BMAL1: variants seen among roughly 807,000 people sequenced by gnomAD.
The protein encoded by BMAL1 is basic helix-loop-helix ARNT-like protein 1.
At chr11:13,314,370 CA>C in the BMAL1 span, among the ~76,000 whole-genome samples, 1 of 151,970 alleles carries the variant, frequency 6.6e-6, no homozygotes, top group Admixed American at 6.6e-5. Flanking sequence ...TGCAGCCAAG[CA>C]ACAGATTCAT....
the BMAL1 span, among the ~76,000 whole-genome samples, chr11:13,336,610 G>C: frequency 6.6e-6 from 1 of 152,204 alleles, no homozygotes; most frequent in African/African-American, 2.4e-5. Context: ...ACGAGGGTCT[G>C]ACATCCAGGA....
At chr11:13,284,208 A>ATG in the BMAL1 span, among the ~76,000 whole-genome samples, 3 of 43,622 alleles carry the variant, frequency 6.9e-5, no homozygotes, top group African/African-American at 2.1e-4. Context: ...GTATATATAT[A>ATG]TGTGTATATA....
chr11:13,331,284 A>G, the BMAL1 span, among the ~76,000 whole-genome samples: 1 of 152,232 alleles, frequency 6.6e-6, no homozygotes, highest in African/African-American at 2.4e-5. Context: ...ATCTATTTGG[A>G]TAGCAAAGCA....
chr11:13,295,552 G>T, the BMAL1 span, among the ~76,000 whole-genome samples: 1 of 152,084 alleles, frequency 6.6e-6, no homozygotes, highest in Admixed American at 6.5e-5. Flanking sequence ...CCTTGCGAGG[G>T]CCGAGCTTCT....
chr11:13,356,856 G>A, the BMAL1 span: 26 of 1,609,032 alleles, frequency 1.6e-5, no homozygotes, highest in Non-Finnish European at 2.0e-5. Context: ...TGTTACTTGG[G>A]GCAGCACCCA....
chr11:13,381,103 C>CA, the BMAL1 span: 98 of 1,564,388 alleles, frequency 6.3e-5, no homozygotes, highest in Middle Eastern at 1.7e-4. Context: ...TACCCCTTAA[C>CA]AAAGCACATA....
chr11:13,295,265 A>G, the BMAL1 span, among the ~76,000 whole-genome samples: 5 of 152,216 alleles, frequency 3.3e-5, no homozygotes, highest in Non-Finnish European at 5.9e-5. Context: ...CAAGGCTGAC[A>G]TGGCTTTGGC....
At chr11:13,354,502 G>T in the BMAL1 span, 4 of 1,587,922 alleles carry the variant, frequency 2.5e-6, no homozygotes, top group Non-Finnish European at 3.4e-6. Flanking sequence ...CAGTTCTCGG[G>T]CATGGAACAT....
chr11:13,314,968 C>G, the BMAL1 span, among the ~76,000 whole-genome samples: 1 of 152,214 alleles, frequency 6.6e-6, no homozygotes, highest in Non-Finnish European at 1.5e-5. Flanking sequence ...CATATAAACT[C>G]TCCTGTTTTC....
chr11:13,285,475 G>A, the BMAL1 span, among the ~76,000 whole-genome samples: 1 of 152,164 alleles, frequency 6.6e-6, no homozygotes, highest in Non-Finnish European at 1.5e-5. Flanking sequence ...AAGCAGTAGC[G>A]ATGAGGTATG....
the BMAL1 span, chr11:13,276,742 G>T: frequency 2.0e-5 from 3 of 152,226 alleles, no homozygotes; most frequent in African/African-American, 7.2e-5. Context: ...TTAACATCTG[G>T]AAGAGCCGGG....
At chr11:13,386,410 A>T in the BMAL1 span, among the ~76,000 whole-genome samples, 10 of 152,144 alleles carry the variant, frequency 6.6e-5, no homozygotes, top group Admixed American at 1.3e-4. Flanking sequence ...ACGTATTTTT[A>T]AAAAATTGGT....
chr11:13,300,925 T>G, the BMAL1 span, among the ~76,000 whole-genome samples: 1 of 152,188 alleles, frequency 6.6e-6, no homozygotes, highest in Non-Finnish European at 1.5e-5. Context: ...TCTGACTTGC[T>G]GATTTGTTGT....
the BMAL1 span, among the ~76,000 whole-genome samples, chr11:13,284,176 A>G: frequency 9.5e-3 from 222 of 23,260 alleles, 15 homozygotes; most frequent in Non-Finnish European, 0.012. Flanking sequence ...ATATATATAT[A>G]TGTGTATATA....
At chr11:13,377,145 G>A in the BMAL1 span, among the ~76,000 whole-genome samples, 1 of 152,130 alleles carries the variant, frequency 6.6e-6, no homozygotes, top group African/African-American at 2.4e-5. Flanking sequence ...CTCAGCCTTG[G>A]CCCTGCCCCT....
the BMAL1 span, among the ~76,000 whole-genome samples, chr11:13,382,478 G>GT: frequency 6.6e-6 from 1 of 152,280 alleles, no homozygotes; most frequent in African/African-American, 2.4e-5. Context: ...ACTGACAGAT[G>GT]AAGTCTGAGC....
the BMAL1 span, chr11:13,386,576 G>C: frequency 3.8e-6 from 6 of 1,597,896 alleles, no homozygotes; most frequent in African/African-American, 6.7e-5. Context: ...TCACTGACCA[G>C]TCTTTATCTC....
At chr11:13,298,230 C>T in the BMAL1 span, among the ~76,000 whole-genome samples, 1 of 152,226 alleles carries the variant, frequency 6.6e-6, no homozygotes, top group Non-Finnish European at 1.5e-5. Flanking sequence ...TCTCTAGCTC[C>T]ACTCCAGCCA....
chr11:13,290,559 ATATTATTATTATTATTAT>A, the BMAL1 span, among the ~76,000 whole-genome samples: 2 of 149,056 alleles, frequency 1.3e-5, no homozygotes, highest in Non-Finnish European at 3.0e-5. Context: ...ACAAGTGTAT[ATATTATTATTATTATTAT>A]TATTATTATT....
Sources: gnomAD v4.1 joint callset for allele counts (sites outside exome capture counted in the v4.1 genomes callset) on GRCh38, gnomAD v4.1.1 for gene constraint, MANE v1.5 for transcripts, NCBI Gene and HGNC (gene_info 2026-07-23, HGNC 2026-07-21) for gene names.